The following KCNMA1 variants were observed in gnomAD, a reference collection of about 807,000 sequenced individuals.
The protein encoded by KCNMA1 is potassium calcium-activated channel subfamily M alpha 1.
In KCNMA1, 29 loss-of-function variants were observed where a neutral mutation model predicts 140.0. The observed-to-expected ratio is 0.21, with a 90% CI of 0.15 to 0.28. The LOEUF (loss-of-function observed/expected upper bound fraction) is 0.28, where lower values mean the gene tolerates loss of function less well. KCNMA1 is among the 10% of genes least tolerant of loss of function. The pLI, the probability that KCNMA1 is intolerant of heterozygous loss-of-function variation, is 1.00. For missense variants in KCNMA1, 880 were observed against 1,602.2 expected (o/e 0.55, Z 7.70); for synonymous variants, 612 against 611.9 (o/e 1.00, Z 0.00).
intron 1 of KCNMA1, among the ~76,000 whole-genome samples, chr10:77,600,192 C>A (rs1279301227): frequency 6.6e-6 from 1 of 152,208 alleles, no homozygotes; most frequent in African/African-American, 2.4e-5. Flanking sequence ...AGGCAGTGAG[C>A]TCCCTGCTAC....
chr10:77,424,463 A>G (rs979522421), intron 1 of KCNMA1, among the ~76,000 whole-genome samples: 1 of 152,180 alleles, frequency 6.6e-6, no homozygotes, highest in African/African-American at 2.4e-5. Context: ...AGGGACTGCT[A>G]TATACCCATA....
chr10:77,577,037 T>G (rs1404805495), intron 1 of KCNMA1, among the ~76,000 whole-genome samples: 1 of 151,768 alleles, frequency 6.6e-6, no homozygotes, highest in African/African-American at 2.4e-5. Context: ...AGATGTGAAG[T>G]AGCATGCCAA....
chr10:76,995,640 GGAGGTAA>G (rs1254078571), intron 19 of KCNMA1: 10 of 470,888 alleles, frequency 2.1e-5, no homozygotes, highest in African/African-American at 2.0e-4. Context: ...CCTCCACCAT[GGAGGTAA>G]GAGGAAGCAT....
intron 5 of KCNMA1, among the ~76,000 whole-genome samples, chr10:77,152,640 T>C (rs1489295260): frequency 6.6e-6 from 1 of 152,130 alleles, no homozygotes; most frequent in Non-Finnish European, 1.5e-5. Flanking sequence ...TGTTGGTCAC[T>C]GGTTGAGGAG....
intron 23 of KCNMA1, among the ~76,000 whole-genome samples, chr10:76,943,602 C>A (rs566031238): frequency 1.3e-5 from 2 of 152,264 alleles, no homozygotes; most frequent in South Asian, 4.1e-4. Context: ...AGAATCAAAG[C>A]CTATCTTTCT....
At chr10:77,491,260 C>T (rs1204913283) in intron 1 of KCNMA1, among the ~76,000 whole-genome samples, 2 of 152,026 alleles carry the variant, frequency 1.3e-5, no homozygotes, top group Admixed American at 6.6e-5. Context: ...GCCTGGTGGC[C>T]CAAAGGACTG....
intron 1 of KCNMA1, among the ~76,000 whole-genome samples, chr10:77,453,119 G>A (rs2097694037): frequency 6.6e-6 from 1 of 152,118 alleles, no homozygotes; most frequent in South Asian, 2.1e-4. Flanking sequence ...GTTAACTTCA[G>A]TCCCTTGATA....
intron 2 of KCNMA1, among the ~76,000 whole-genome samples, chr10:77,314,670 G>A (rs2080261731): frequency 6.6e-6 from 1 of 152,024 alleles, no homozygotes; most frequent in Non-Finnish European, 1.5e-5. Context: ...TTTGAGTCTG[G>A]TCTGAAGCTT....
At chr10:77,599,860 A>G (rs989822917) in intron 1 of KCNMA1, among the ~76,000 whole-genome samples, 3 of 152,222 alleles carry the variant, frequency 2.0e-5, no homozygotes, top group Non-Finnish European at 4.4e-5. Context: ...TGAGCCCCTG[A>G]TGGTCCGTCC....
chr10:77,142,523 T>C (rs1305898827), intron 5 of KCNMA1, among the ~76,000 whole-genome samples: 1 of 152,156 alleles, frequency 6.6e-6, no homozygotes, highest in African/African-American at 2.4e-5. Flanking sequence ...GCAAAAGGGC[T>C]TCACAATAAT....
chr10:76,948,383 T>TGTGGAGAA (rs1199098421), intron 22 of KCNMA1, among the ~76,000 whole-genome samples: 1 of 152,212 alleles, frequency 6.6e-6, no homozygotes, highest in African/African-American at 2.4e-5. Context: ...GAATTTGTGA[T>TGTGGAGAA]GTGGAGAATT....
At chr10:77,007,651 G>GTATATATATATATATATATATA (rs1419890065) in intron 18 of KCNMA1, among the ~76,000 whole-genome samples, 1 of 8,398 alleles carries the variant, frequency 1.2e-4, no homozygotes. Flanking sequence ...TATTGTGTGT[G>GTATATATATATATATATATATA]TGTATATATA....
chr10:76,999,837 G>A (rs2085613412), intron 19 of KCNMA1, among the ~76,000 whole-genome samples: 1 of 152,182 alleles, frequency 6.6e-6, no homozygotes, highest in African/African-American at 2.4e-5. Flanking sequence ...CAGAGAGAAT[G>A]ACTCTCTGGT....
chr10:76,970,030 T>A lies in KCNMA1; in HGVS notation c.2304A>T (p.Lys768Asn). The A allele has an allele frequency of 6.2e-7, 1 of 1,614,072 alleles. No homozygotes were observed. The highest frequency in any genetic ancestry group is 2.2e-5 in the East Asian group (1 of 44,868). The change falls in exon 20 of 28, where the codon AAA (lysine) becomes AAT (asparagine). Residue 768 changes from lysine (K) to asparagine (N), a missense_variant. Lys to Asn is a moderately conservative substitution (Grantham distance 94). Coordinates refer to ENST00000286628, the MANE Select transcript of KCNMA1 (RefSeq NM_001161352.2). ...DEQPSTLSPK[K>N]KQRNGGMRNS... is the part of the protein sequence containing the mutation. ...TCCGCATGCCTCCATTCCGTTGCTT[T>A]TTTTTTGGTGATAGTGTTGACGGCT...
chr10:77,061,261 T>C (rs1420172577), intron 14 of KCNMA1, among the ~76,000 whole-genome samples: 1 of 151,994 alleles, frequency 6.6e-6, no homozygotes, highest in Admixed American at 6.6e-5. Context: ...TAGGGGCAAA[T>C]ATTTACAAAT....
At chr10:77,236,631 A>G (rs1275897846) in intron 3 of KCNMA1, among the ~76,000 whole-genome samples, 1 of 152,256 alleles carries the variant, frequency 6.6e-6, no homozygotes, top group Non-Finnish European at 1.5e-5. Context: ...CCACAGTAAG[A>G]AACAGAGTTT....
At chr10:77,286,711 T>G (rs191897361) in intron 2 of KCNMA1, among the ~76,000 whole-genome samples, 2 of 150,714 alleles carry the variant, frequency 1.3e-5, no homozygotes, top group South Asian at 4.3e-4. Context: ...AGCAATCTTA[T>G]TAGCATATCC....
chr10:77,541,018 G>C (rs2060055795), intron 1 of KCNMA1, among the ~76,000 whole-genome samples: 2 of 145,694 alleles, frequency 1.4e-5, no homozygotes, highest in Admixed American at 6.9e-5. Flanking sequence ...AAAAAAAAGA[G>C]TAATCACTAG....
At chr10:76,883,729 T>TTG (rs199896164), downstream of KCNMA1, among the ~76,000 whole-genome samples, 147 of 150,356 alleles carry the variant, frequency 9.8e-4, no homozygotes, top group African/African-American at 3.4e-3. Context: ...TTGTTTTTTT[T>TTG]TTTTTTTTTT....
Sources: allele counts gnomAD v4.1 joint callset (sites outside exome capture counted in the v4.1 genomes callset), GRCh38; gene constraint gnomAD v4.1.1; transcripts MANE v1.5; gene names NCBI Gene and HGNC (gene_info 2026-07-23, HGNC 2026-07-21).